XPNPEP1: variants seen among roughly 807,000 people sequenced by gnomAD.
The protein encoded by XPNPEP1 is xaa-Pro aminopeptidase 1.
Under a neutral mutation model 92.4 loss-of-function variants are expected in XPNPEP1, and 39 were observed. That is an observed-to-expected ratio of 0.42 (90% CI 0.33 to 0.55). The LOEUF is 0.55. Ranked by LOEUF, XPNPEP1 falls within the 20% of genes least tolerant of loss-of-function variation. The pLI is 0.08. For synonymous variants in XPNPEP1, 307 were observed against 299.4 expected, an observed-to-expected ratio of 1.03 and a Z score of -0.26; for missense variants, 654 against 856.1, an observed-to-expected ratio of 0.76 and a Z score of 2.95.
At chr10:109,881,718 G>C (rs1848109719) in intron 10 of XPNPEP1, among the ~76,000 whole-genome samples, 1 of 152,214 alleles carries the variant, frequency 6.6e-6, no homozygotes, top group South Asian at 2.1e-4. Context: ...TTGGCAGCCA[G>C]AGGCCCAGGG....
At chr10:109,870,054 T>C (rs1040674473) in intron 18 of XPNPEP1, 25 bp from the exon 19 acceptor site, 1 of 1,612,650 alleles carries the variant, frequency 6.2e-7, no homozygotes, top group Non-Finnish European at 8.5e-7. Flanking sequence ...ATCCCAAAAA[T>C]GAGAAGCAGC....
intron 16 of XPNPEP1, 21 bp from the exon 17 acceptor site, chr10:109,871,882 C>T: frequency 6.2e-7 from 1 of 1,611,844 alleles, no homozygotes; most frequent in South Asian, 1.1e-5. Flanking sequence ...AACCCAGGGG[C>T]ATGTTGCAGA....
intron 10 of XPNPEP1, 91 bp from the exon 11 acceptor site, chr10:109,881,022 T>G: frequency 7.8e-7 from 1 of 1,279,630 alleles, no homozygotes; most frequent in Non-Finnish European, 1.1e-6. Context: ...AAAACTTACT[T>G]TAGACAAATC....
intron 10 of XPNPEP1, among the ~76,000 whole-genome samples, chr10:109,881,805 C>T (rs934571048): frequency 6.6e-6 from 1 of 152,212 alleles, no homozygotes; most frequent in African/African-American, 2.4e-5. Context: ...AATGAGGCAA[C>T]AAGTGTCAGC....
In XPNPEP1 at chr10:109,880,204, T is replaced by G; in HGVS notation, c.1166A>C (p.Asn389Thr). 5 of 1,614,010 alleles carry G rather than the reference T, an allele frequency of 3.1e-6. No homozygotes were observed. The highest frequency in any genetic ancestry group is 1.7e-4 in the Middle Eastern group (1 of 6,060). The change falls in exon 12 of 21, where the codon AAC becomes ACC. Residue 389 changes from asparagine (N) to threonine (T), a missense_variant. Physicochemically the swap from Asn to Thr is moderately conservative, Grantham distance 65. Coordinates refer to ENST00000502935, the MANE Select transcript of XPNPEP1 (RefSeq NM_020383.4). ...AGAACCAACCTCTTTCTCCAGCCAG[T>G]TAAAGAGTTCACAGAGAGCAACAGC... ...KDAVALCELF[N>T]WLEKEVPKGG...
At position 109,923,477 on chromosome 10, in the gene XPNPEP1, A is replaced by G. The variant is rs1460050501; in HGVS notation, c.-44T>C. ...AGCCCACGTCAGGGGAGCGCAGACC[A>G]GCTGATCACCCGCGGAAGGGCCGGC... On this transcript the variant is annotated 5_prime_UTR_variant, in exon 1 of 21. Transcript: ENST00000502935. The G allele has an allele frequency of 2.2e-6, 3 of 1,368,268 alleles. No homozygotes were observed. Among genetic ancestry groups the G allele is most frequent in the Non-Finnish European group, 2.8e-6 (3 of 1,053,814 alleles). The allele number at this position is 1,368,268 out of a possible 1,614,324, so 84.8% of individuals were successfully genotyped here.
At chr10:109,870,271 G>A (rs1366993858) in intron 18 of XPNPEP1, among the ~76,000 whole-genome samples, 3 of 150,636 alleles carry the variant, frequency 2.0e-5, no homozygotes, top group Non-Finnish European at 3.0e-5. Flanking sequence ...AGGGTAAGGA[G>A]TAAAGTAACA....
chr10:109,895,573 C>T (rs1848943994), intron 3 of XPNPEP1, among the ~76,000 whole-genome samples: 1 of 152,260 alleles, frequency 6.6e-6, no homozygotes, highest in South Asian at 2.1e-4. Flanking sequence ...CACCTCCACA[C>T]TGACAGGCTA....
At chr10:109,866,646 C>A (rs1244861498) in intron 20 of XPNPEP1, among the ~76,000 whole-genome samples, 1 of 152,140 alleles carries the variant, frequency 6.6e-6, no homozygotes, top group African/African-American at 2.4e-5. Context: ...CTGCAGCTGG[C>A]CATATTCATA....
intron 3 of XPNPEP1, among the ~76,000 whole-genome samples, chr10:109,900,073 T>TA (rs1405588844): frequency 6.6e-6 from 1 of 152,160 alleles, no homozygotes; most frequent in African/African-American, 2.4e-5. Flanking sequence ...AAGAAACCCT[T>TA]AGAGTTGCAG....
chr10:109,884,354 C>T (rs1848274203), intron 8 of XPNPEP1: 1 of 552,812 alleles, frequency 1.8e-6, no homozygotes, highest in Admixed American at 3.5e-5. Flanking sequence ...GGCACCAGAG[C>T]TGTTTCTCAG....
intron 3 of XPNPEP1, among the ~76,000 whole-genome samples, chr10:109,901,413 A>T (rs191861492): frequency 4.3e-4 from 66 of 152,304 alleles, no homozygotes; most frequent in Admixed American, 9.8e-4. Flanking sequence ...AGTATAATTT[A>T]AAAAAAGATT....
Position 109,875,523 on chromosome 10 carries a change from C to T in XPNPEP1, c.1391+5G>A. 6.2e-7 allele frequency: 1 copy of T among 1,613,942 alleles called. No homozygotes were observed. Among genetic ancestry groups the T allele is most frequent in the Non-Finnish European group, 8.5e-7 (1 of 1,179,842 alleles). On this transcript the variant is annotated splice_donor_5th_base_variant and intron_variant, in intron 15 of 20. Transcript: ENST00000502935. Reference sequence around the variant, plus strand: ...CAAGTTCCACAGCAGTCCTGGTTTACTTACTTGTATTGAGCACCCGAGTCA... The same window carrying T: ...CAAGTTCCACAGCAGTCCTGGTTTATTTACTTGTATTGAGCACCCGAGTCA...
At chr10:109,916,665 T>C (rs1257556319) in intron 1 of XPNPEP1, among the ~76,000 whole-genome samples, 1 of 152,164 alleles carries the variant, frequency 6.6e-6, no homozygotes, top group Admixed American at 6.5e-5. Context: ...AGTAAACATA[T>C]TATTCTTTCA....
chr10:109,871,696 CAGTGA>C, intron 17 of XPNPEP1, 91 bp downstream of exon 17: 1 of 1,404,610 alleles, frequency 7.1e-7, no homozygotes, highest in Non-Finnish European at 9.8e-7. Context: ...GGGGACCTCA[CAGTGA>C]AGGAACGACA....
chr10:109,908,742 A>C (rs993219575), intron 2 of XPNPEP1, among the ~76,000 whole-genome samples: 14 of 152,270 alleles, frequency 9.2e-5, no homozygotes, highest in African/African-American at 2.2e-4. Flanking sequence ...ACCTTTGGGT[A>C]AGTAAATTTG....
At chr10:109,871,914 T>C in intron 16 of XPNPEP1, 53 bp from the exon 17 acceptor site, 1 of 1,539,376 alleles carries the variant, frequency 6.5e-7, no homozygotes, top group Non-Finnish European at 8.9e-7. Flanking sequence ...TGTCTAATCC[T>C]GTAGTTTTCT....
intron 1 of XPNPEP1, 56 bp from the exon 2 acceptor site, chr10:109,915,155 G>C (rs1350988269): frequency 3.4e-6 from 4 of 1,186,744 alleles, no homozygotes; most frequent in South Asian, 3.3e-5. Flanking sequence ...AACGTGGCAA[G>C]GCTCAGTTAG....
At chr10:109,918,807 A>C (rs1346609855) in intron 1 of XPNPEP1, among the ~76,000 whole-genome samples, 1 of 145,600 alleles carries the variant, frequency 6.9e-6, no homozygotes, top group Admixed American at 6.9e-5. Context: ...AGAGGAAGGA[A>C]AGGAAAGAAA....
Sources: allele counts gnomAD v4.1 joint callset (sites outside exome capture counted in the v4.1 genomes callset), GRCh38; gene constraint gnomAD v4.1.1; transcripts MANE v1.5; gene names NCBI Gene and HGNC (gene_info 2026-07-23, HGNC 2026-07-21).